Variants in CNTNAP4 observed in about 807,000 individuals in gnomAD.
The protein encoded by CNTNAP4 is contactin associated protein family member 4, also known as contactin-associated protein-like 4.
Under a neutral mutation model 148.4 loss-of-function variants are expected in CNTNAP4, and 98 were observed. That is an observed-to-expected ratio of 0.66 (90% confidence interval 0.56 to 0.78). The LOEUF (loss-of-function observed/expected upper bound fraction) is 0.78. CNTNAP4 is among the 30% of genes least tolerant of loss of function. CNTNAP4 has a pLI of 0.00. For synonymous variants in CNTNAP4, 730 were observed against 565.1 expected (o/e 1.29, Z -4.14); for missense variants, 1,935 against 1,565.6 (o/e 1.24, Z -3.98).
intron 8 of CNTNAP4, among the ~76,000 whole-genome samples, chr16:76,461,520 C>T (rs2080960143): frequency 6.6e-6 from 1 of 152,108 alleles, no homozygotes; most frequent in East Asian, 1.9e-4. Context: ...TAGTTTATTC[C>T]AATATTGTTG....
chr16:76,520,373 G>C (rs1022465703), intron 15 of CNTNAP4, among the ~76,000 whole-genome samples: 2 of 151,988 alleles, frequency 1.3e-5, no homozygotes, highest in African/African-American at 4.8e-5. Context: ...GTGGTATTTG[G>C]GCAGCAATTA....
intron 2 of CNTNAP4, among the ~76,000 whole-genome samples, chr16:76,324,775 A>C (rs564302911): frequency 6.6e-6 from 1 of 152,202 alleles, no homozygotes; most frequent in South Asian, 2.1e-4. Flanking sequence ...CTTTCCTGGT[A>C]CTTACTCATG....
At chr16:76,388,260 A>C (rs1026593905) in intron 3 of CNTNAP4, among the ~76,000 whole-genome samples, 5 of 152,222 alleles carry the variant, frequency 3.3e-5, no homozygotes, top group Admixed American at 2.6e-4. Flanking sequence ...AGGCAGCAGC[A>C]TCGTGGAGTG....
In CNTNAP4 at chr16:76,535,549, A is replaced by G; in HGVS notation, c.2760A>G (p.Gly920=). The G allele has an allele frequency of 6.2e-7, 1 of 1,611,974 alleles. No homozygotes were observed. Among genetic ancestry groups the G allele is most frequent in the Non-Finnish European group, 8.5e-7 (1 of 1,179,806 alleles). ...TTTGCAGTATTTCCCTTTTAGGTGG[A>G]ACGGCCACCAGACAGAGAGGCTTTC... ...LQLNSQLFVG[G]TATRQRGFLG... The change falls in exon 18 of 24, where the codon GGA becomes GGG. Residue 920 remains glycine, a synonymous_variant. Transcript: ENST00000611870.
At chr16:76,286,174 A>AGTGTGTGT (rs57003243) in intron 1 of CNTNAP4, among the ~76,000 whole-genome samples, 1,495 of 134,972 alleles carry the variant, frequency 0.011, 24 homozygotes, top group Middle Eastern at 0.016. Context: ...TAGAATTATC[A>AGTGTGTGT]GTGTGTGTGT....
chr16:76,381,616 C>T lies in CNTNAP4; in HGVS notation c.390+26105C>T, dbSNP rs1276509518. Among the ~76,000 whole-genome samples the T allele has an allele frequency of 2.0e-5, 3 of 152,086 alleles. No homozygotes were observed. In the East Asian group the frequency reaches 5.8e-4, roughly 29 times the overall value. The stretch of plus-strand genomic sequence containing the variant: ...AATTAACATGTGGTTTACCTCTACC[C>T]CTCACATTTGTTTAATCACCTTCAC... On this transcript the variant is annotated intron_variant, in intron 3 of 23. Coordinates refer to ENST00000611870, the MANE Select transcript of CNTNAP4 (RefSeq NM_033401.5).
chr16:76,401,677 G>A (rs185789082), intron 3 of CNTNAP4, among the ~76,000 whole-genome samples: 81 of 152,184 alleles, frequency 5.3e-4, no homozygotes, highest in African/African-American at 1.9e-3. Flanking sequence ...GTTGTCTGTG[G>A]GTTTGCCATA....
intron 2 of CNTNAP4, among the ~76,000 whole-genome samples, chr16:76,348,096 C>A (rs1051657088): frequency 6.6e-6 from 1 of 151,882 alleles, no homozygotes; most frequent in East Asian, 1.9e-4. Flanking sequence ...GGCAGAAAAA[C>A]AGCAGGATTC....
At chr16:76,354,495 C>T (rs114331070) in intron 2 of CNTNAP4, among the ~76,000 whole-genome samples, 2 of 152,166 alleles carry the variant, frequency 1.3e-5, no homozygotes, top group Non-Finnish European at 2.9e-5. Context: ...TACCCACCAC[C>T]CTGCTCCCAT....
chr16:76,423,416 G>A (rs7203043), intron 3 of CNTNAP4, among the ~76,000 whole-genome samples: 118,128 of 151,972 alleles, frequency 0.78, 46,462 homozygotes, highest in Non-Finnish European at 0.84. Flanking sequence ...CGTTTCTAAA[G>A]AAACACCTCA....
chr16:76,398,266 G>T (rs1035840192), intron 3 of CNTNAP4, among the ~76,000 whole-genome samples: 2 of 151,644 alleles, frequency 1.3e-5, no homozygotes, highest in Non-Finnish European at 2.9e-5. Context: ...GTCTTTCCCA[G>T]TCCACTGACT....
In CNTNAP4 at chr16:76,461,992, C is replaced by G. The variant is rs774408296; in HGVS notation, c.1370C>G (p.Ser457Cys). Residue 457 changes from serine (S) to cysteine (C), a missense_variant, in exon 9 of 24, where the codon TCT (serine) becomes TGT (cysteine). Physicochemically the swap from Ser to Cys is moderately radical, Grantham distance 112. Transcript: ENST00000611870. ...AATGATGGGCAGTGGCATTCTGTCT[C>G]TTTATCTGCTAAAAAGAATCACTTG... is the stretch of plus-strand genomic sequence containing the variant. ...ELNDGQWHSV[S>C]LSAKKNHLSV... The G allele has an allele frequency of 2.0e-5, 33 of 1,613,704 alleles. No individual in the cohort carries two copies. Among genetic ancestry groups the G allele is most frequent in the Non-Finnish European group, 2.6e-5 (31 of 1,179,776 alleles).
rs2085077747 is a variant in CNTNAP4 at position 76,553,879 on chromosome 16, A to G, written c.3705A>G (p.Ala1235=). The part of the protein sequence containing the change: ...TIDDREPLAN[A]IKSDSAVIGG... ...ATGACAGAGAGCCCCTTGCTAATGCAATCAAAAGTGACTCTGCAGTAATTG... is the reference window on the plus strand; with the variant it reads ...ATGACAGAGAGCCCCTTGCTAATGCGATCAAAAGTGACTCTGCAGTAATTG... The change falls in exon 23 of 24, where the codon GCA becomes GCG. Residue 1235 remains alanine (A), a synonymous_variant. Coordinates refer to ENST00000611870, the MANE Select transcript of CNTNAP4 (RefSeq NM_033401.5). 4 of 1,611,490 alleles carry G rather than the reference A, an allele frequency of 2.5e-6. No homozygotes were observed. The highest frequency in any genetic ancestry group is 2.5e-6 in the Non-Finnish European group (3 of 1,177,976).
chr16:76,326,939 TAAAGTA>T (rs747526906), intron 2 of CNTNAP4, among the ~76,000 whole-genome samples: 5 of 150,064 alleles, frequency 3.3e-5, no homozygotes, highest in Non-Finnish European at 7.4e-5. Context: ...CCCTAAAACT[TAAAGTA>T]AGAATAAAAT....
chr16:76,540,500 T>C (rs2084402677), intron 20 of CNTNAP4, among the ~76,000 whole-genome samples: 1 of 151,486 alleles, frequency 6.6e-6, no homozygotes, highest in Non-Finnish European at 1.5e-5. Context: ...ACTAATATTG[T>C]ATTATATATT....
Position 76,467,333 on chromosome 16 carries a change from T to C in CNTNAP4, c.1484-19T>C. On this transcript the variant is annotated intron_variant, in intron 9 of 23. Transcript: ENST00000611870. Reference sequence around the variant, plus strand: ...CTGATTCATTGTGATGCGTACTGGATTTATTTCGTTTTTATCAGGTTGTCC... The same window carrying C: ...CTGATTCATTGTGATGCGTACTGGACTTATTTCGTTTTTATCAGGTTGTCC... The C allele has an allele frequency of 6.2e-7, 1 of 1,610,762 alleles. No individual in the cohort carries two copies.
chr16:76,474,563 A>G (rs540925607), intron 10 of CNTNAP4, among the ~76,000 whole-genome samples: 67 of 152,314 alleles, frequency 4.4e-4, no homozygotes, highest in African/African-American at 1.6e-3. Flanking sequence ...AGGAGACGGT[A>G]GAAACCCCAT....
chr16:76,538,556 A>G (rs2144271310), intron 19 of CNTNAP4, among the ~76,000 whole-genome samples: 1 of 152,122 alleles, frequency 6.6e-6, no homozygotes. Flanking sequence ...GATTTTGATA[A>G]TTTTACATAT....
chr16:76,317,917 A>C (rs183583699), intron 2 of CNTNAP4, among the ~76,000 whole-genome samples: 2 of 152,168 alleles, frequency 1.3e-5, no homozygotes, highest in Non-Finnish European at 2.9e-5. Context: ...GAGAACTGAG[A>C]TCCTTCTGTC....
Sources: allele counts gnomAD v4.1 joint callset (sites outside exome capture counted in the v4.1 genomes callset), GRCh38; gene constraint gnomAD v4.1.1; transcripts MANE v1.5; gene names NCBI Gene and HGNC (gene_info 2026-07-23, HGNC 2026-07-21).